The following CELF4 variants were observed in gnomAD, a reference collection of about 807,000 sequenced individuals.
CELF4 encodes the protein CUGBP Elav-like family member 4, also known as CUG-BP- and ETR-3-like factor 4.
CELF4 carries 18 observed loss-of-function variants against 59.9 expected under a neutral mutation model. The observed-to-expected ratio is 0.30, with a 90% CI of 0.21 to 0.45. The LOEUF is 0.45. Ranked by LOEUF, CELF4 falls within the 20% of genes least tolerant of loss-of-function variation. The pLI is 1.00. For synonymous variants in CELF4, 261 were observed against 267.1 expected (o/e 0.98, Z 0.22); for missense variants, 456 against 689.0 (o/e 0.66, Z 3.79).
chr18:37,371,534 T>A (rs2098879388), intron 2 of CELF4, among the ~76,000 whole-genome samples: 1 of 152,222 alleles, frequency 6.6e-6, no homozygotes, highest in Non-Finnish European at 1.5e-5. Flanking sequence ...TCCAGAGATG[T>A]CCTCAGACTG....
chr18:37,250,750 G>A (rs2064988738), intron 12 of CELF4, among the ~76,000 whole-genome samples: 1 of 152,156 alleles, frequency 6.6e-6, no homozygotes, highest in South Asian at 2.1e-4. Flanking sequence ...AGGCTGCCTT[G>A]AGAAGCTCTC....
chr18:37,554,731 G>C (rs774301721), intron 1 of CELF4, among the ~76,000 whole-genome samples: 1 of 152,134 alleles, frequency 6.6e-6, no homozygotes, highest in Non-Finnish European at 1.5e-5. Context: ...AGACACGGGG[G>C]TTCTCTCCTT....
At chr18:37,423,199 G>A (rs549448248) in intron 2 of CELF4, among the ~76,000 whole-genome samples, 2 of 152,348 alleles carry the variant, frequency 1.3e-5, no homozygotes, top group African/African-American at 4.8e-5. Flanking sequence ...AGTGCTGAGT[G>A]TTCCAGGAAG....
intron 2 of CELF4, among the ~76,000 whole-genome samples, chr18:37,447,318 G>C (rs1004185656): frequency 6.6e-6 from 1 of 152,184 alleles, no homozygotes; most frequent in African/African-American, 2.4e-5. Flanking sequence ...GAAGCGGCTT[G>C]AGTGCATTAT....
intron 2 of CELF4, among the ~76,000 whole-genome samples, chr18:37,467,429 C>A (rs925967842): frequency 6.6e-6 from 1 of 152,096 alleles, no homozygotes; most frequent in Non-Finnish European, 1.5e-5. Context: ...TTTTGGACAC[C>A]GCCAGAAGAA....
intron 1 of CELF4, among the ~76,000 whole-genome samples, chr18:37,523,036 C>T (rs969732801): frequency 3.3e-5 from 5 of 152,300 alleles, no homozygotes; most frequent in African/African-American, 9.6e-5. Flanking sequence ...TGGAGACGTT[C>T]GTTGCCCACA....
At chr18:37,504,230 C>T (rs928443640) in intron 1 of CELF4, among the ~76,000 whole-genome samples, 1 of 152,076 alleles carries the variant, frequency 6.6e-6, no homozygotes, top group African/African-American at 2.4e-5. Flanking sequence ...GTGGCTCACG[C>T]CTGTAATCCC....
chr18:37,464,563 G>C (rs762525510), intron 2 of CELF4, among the ~76,000 whole-genome samples: 2 of 152,190 alleles, frequency 1.3e-5, no homozygotes, highest in African/African-American at 2.4e-5. Context: ...GACTCTGCCT[G>C]GGGTGGGCTT....
chr18:37,378,428 CTG>C (rs2098997229), intron 2 of CELF4, among the ~76,000 whole-genome samples: 1 of 152,124 alleles, frequency 6.6e-6, no homozygotes, highest in Non-Finnish European at 1.5e-5. Context: ...TACAATTTCC[CTG>C]TGAGTCTACA....
chr18:37,472,714 T>C (rs1400509775), intron 2 of CELF4, among the ~76,000 whole-genome samples: 1 of 152,152 alleles, frequency 6.6e-6, no homozygotes, highest in Non-Finnish European at 1.5e-5. Flanking sequence ...ATTTAAGGCA[T>C]GAGCCTGCCC....
At chr18:37,511,477 C>G (rs984295789) in intron 1 of CELF4, among the ~76,000 whole-genome samples, 2 of 151,952 alleles carry the variant, frequency 1.3e-5, no homozygotes, top group Non-Finnish European at 2.9e-5. Flanking sequence ...GACTTGAATC[C>G]TAGTCTCGCT....
At chr18:37,252,558 T>C (rs2066153576) in intron 12 of CELF4, among the ~76,000 whole-genome samples, 1 of 151,618 alleles carries the variant, frequency 6.6e-6, no homozygotes, top group South Asian at 2.1e-4. Flanking sequence ...ACCCAGTCTC[T>C]TGCTGTTCCT....
At chr18:37,529,254 T>G (rs2099966989) in intron 1 of CELF4, 1 of 152,254 alleles carries the variant, frequency 6.6e-6, no homozygotes, top group Non-Finnish European at 1.5e-5. Flanking sequence ...ATGGGTAACC[T>G]GGACTTCTTC....
At chr18:37,489,600 C>T (rs1000876023) in intron 1 of CELF4, among the ~76,000 whole-genome samples, 1 of 151,960 alleles carries the variant, frequency 6.6e-6, no homozygotes, top group African/African-American at 2.4e-5. Context: ...GGGTGTCCAG[C>T]TGAAAGGGGG....
intron 1 of CELF4, among the ~76,000 whole-genome samples, chr18:37,547,160 G>GTGTGTGTGTGT (rs61235122): frequency 5.5e-5 from 8 of 144,252 alleles, no homozygotes; most frequent in Admixed American, 1.4e-4. Flanking sequence ...GTGTGTGTGT[G>GTGTGTGTGTGT]GTGTGTGTGT....
chr18:37,372,650 C>T (rs1488254207), intron 2 of CELF4, among the ~76,000 whole-genome samples: 1 of 151,850 alleles, frequency 6.6e-6, no homozygotes, highest in Admixed American at 6.6e-5. Flanking sequence ...AACAAGAAAT[C>T]ACAATGAAAA....
intron 2 of CELF4, among the ~76,000 whole-genome samples, chr18:37,408,496 G>A (rs5824057): frequency 1.2e-3 from 21 of 18,098 alleles, no homozygotes; most frequent in Non-Finnish European, 5.3e-3. Flanking sequence ...TGGTGCCGGG[G>A]GGGGGCGCGG....
intron 1 of CELF4, among the ~76,000 whole-genome samples, chr18:37,521,024 C>G (rs1299899146): frequency 7.2e-6 from 1 of 139,590 alleles, no homozygotes; most frequent in African/African-American, 2.6e-5. Context: ...GATGAAGAAG[C>G]AATCTGCCCA....
intron 3 of CELF4, among the ~76,000 whole-genome samples, chr18:37,283,716 G>A (rs961739152): frequency 1.3e-5 from 2 of 151,838 alleles, no homozygotes; most frequent in Admixed American, 1.3e-4. Context: ...GACATACTGC[G>A]GGAACAGAGC....
Sources: allele counts gnomAD v4.1 joint callset (sites outside exome capture counted in the v4.1 genomes callset), GRCh38; gene constraint gnomAD v4.1.1; transcripts MANE v1.5; gene names NCBI Gene and HGNC (gene_info 2026-07-23, HGNC 2026-07-21).